The following DAB1 variants were observed in gnomAD, a reference collection of about 807,000 sequenced individuals.
The protein encoded by DAB1 is disabled homolog 1.
A neutral mutation model predicts 64.6 loss-of-function variants in DAB1; 15 were observed. That is an observed-to-expected ratio of 0.23 (90% confidence interval 0.16 to 0.36). The LOEUF is 0.36. Among genes scored for constraint, DAB1 ranks in the 10% least tolerant of loss-of-function variants. The pLI is 1.00. For synonymous variants in DAB1, 235 were observed against 251.9 expected, an observed-to-expected ratio of 0.93 and a Z score of 0.64; for missense variants, 596 against 706.7, an observed-to-expected ratio of 0.84 and a Z score of 1.78.
intron 2 of DAB1, among the ~76,000 whole-genome samples, chr1:57,170,229 C>A (rs979269894): frequency 3.3e-5 from 5 of 152,082 alleles, no homozygotes; most frequent in African/African-American, 7.2e-5. Flanking sequence ...GAACTCTTGA[C>A]CCCAAGTGAT....
At chr1:58,248,270 G>A (rs1410979154) in intron 4 of DAB1, among the ~76,000 whole-genome samples, 1 of 152,054 alleles carries the variant, frequency 6.6e-6, no homozygotes, top group Non-Finnish European at 1.5e-5. Context: ...CACTGGGAGC[G>A]AGGTGGCACT....
At chr1:57,930,452 C>A (rs910122596) in intron 5 of DAB1, among the ~76,000 whole-genome samples, 5 of 152,182 alleles carry the variant, frequency 3.3e-5, no homozygotes, top group African/African-American at 1.2e-4. Context: ...TGCACTGAAT[C>A]TGTAGATCAT....
At chr1:57,327,081 G>T (rs747564600) in intron 1 of DAB1, among the ~76,000 whole-genome samples, 8 of 152,100 alleles carry the variant, frequency 5.3e-5, no homozygotes, top group Admixed American at 6.5e-5. Flanking sequence ...TGGGACTACA[G>T]GCGTGTGACC....
At chr1:57,621,390 C>T (rs527787169) in intron 7 of DAB1, among the ~76,000 whole-genome samples, 1 of 150,998 alleles carries the variant, frequency 6.6e-6, no homozygotes, top group Admixed American at 6.6e-5. Context: ...TGGGATAGTG[C>T]GTGGGGGTGG....
chr1:58,154,588 C>T (rs986208639), intron 4 of DAB1, among the ~76,000 whole-genome samples: 4 of 152,158 alleles, frequency 2.6e-5, no homozygotes, highest in African/African-American at 4.8e-5. Context: ...CAGGGCTCTG[C>T]CACAGGTAAG....
intron 9 of DAB1, among the ~76,000 whole-genome samples, chr1:57,031,808 G>A (rs1274964533): frequency 6.6e-6 from 1 of 152,222 alleles, no homozygotes; most frequent in African/African-American, 2.4e-5. Flanking sequence ...CTATTTGCCA[G>A]AGAGTAAGGC....
chr1:58,280,856 C>A (rs190478493), intron 4 of DAB1, among the ~76,000 whole-genome samples: 1 of 152,186 alleles, frequency 6.6e-6, no homozygotes, highest in African/African-American at 2.4e-5. Context: ...GAAGCAAGAC[C>A]AAGAAAGATA....
At chr1:58,383,224 G>T (rs566074074) in intron 3 of DAB1, among the ~76,000 whole-genome samples, 1 of 151,666 alleles carries the variant, frequency 6.6e-6, no homozygotes, top group East Asian at 1.9e-4. Context: ...AGTACAGATA[G>T]GTTAAATTAT....
chr1:57,838,284 A>G lies in DAB1; in HGVS notation n.88-11829T>C, dbSNP rs959131552. Among the ~76,000 whole-genome samples the G allele has an allele frequency of 5.3e-5, 8 of 152,374 alleles. 1 individual carries two copies. In the South Asian group the frequency reaches 1.4e-3, roughly 28 times the overall value. On this transcript the variant is annotated intron_variant and non_coding_transcript_variant, in intron 1 of 1. Coordinates refer to the DAB1 transcript ENST00000477280. ...GTTAGGCTATTGAGAAGTCATAAAT[A>G]TAATCCCAATATTTTGTTACATTTA...
At chr1:57,948,227 G>A (rs1025518425) in intron 5 of DAB1, among the ~76,000 whole-genome samples, 3 of 152,174 alleles carry the variant, frequency 2.0e-5, no homozygotes, top group African/African-American at 7.2e-5. Context: ...AAGACACATC[G>A]TGTAACTGAA....
intron 4 of DAB1, among the ~76,000 whole-genome samples, chr1:57,082,128 T>C (rs1652610177): frequency 6.6e-6 from 1 of 152,192 alleles, no homozygotes; most frequent in African/African-American, 2.4e-5. Context: ...AGTGAGAGAA[T>C]CAGAGAAGGC....
rs139285529 is a variant in DAB1 at position 57,924,943 on chromosome 1, T to A, written n.388-40781A>T. Among the ~76,000 whole-genome samples, 116 of 152,330 alleles carry A rather than the reference T, an allele frequency of 7.6e-4. 2 individuals are homozygous for A. The East Asian group carries it at 0.015, about 19-fold the overall frequency. On this transcript the variant is annotated intron_variant and non_coding_transcript_variant, in intron 5 of 20. Coordinates refer to the DAB1 transcript ENST00000485760. Reference sequence around the variant, plus strand: ...TATCACCATAAATTGTATTAGTTATTAATAGTATTTGTATTGGATTTACTT... The same window carrying A: ...TATCACCATAAATTGTATTAGTTATAAATAGTATTTGTATTGGATTTACTT...
intron 2 of DAB1, among the ~76,000 whole-genome samples, chr1:57,154,434 C>G (rs1660017166): frequency 6.6e-6 from 1 of 152,200 alleles, no homozygotes; most frequent in Non-Finnish European, 1.5e-5. Context: ...TTTATCCATT[C>G]ATCTGTTGAT....
At chr1:57,157,203 A>T (rs1318858668) in intron 2 of DAB1, among the ~76,000 whole-genome samples, 1 of 152,118 alleles carries the variant, frequency 6.6e-6, no homozygotes, top group Non-Finnish European at 1.5e-5. Flanking sequence ...AGCCAAGATA[A>T]GTATTTTTTT....
intron 7 of DAB1, among the ~76,000 whole-genome samples, chr1:57,518,623 C>G (rs558496873): frequency 1.2e-4 from 19 of 152,248 alleles, no homozygotes; most frequent in African/African-American, 4.6e-4. Flanking sequence ...GCTTCTGCCC[C>G]ACATCTGGGA....
At chr1:58,239,939 C>T (rs1241112464) in intron 4 of DAB1, among the ~76,000 whole-genome samples, 1 of 152,168 alleles carries the variant, frequency 6.6e-6, no homozygotes, top group Non-Finnish European at 1.5e-5. Flanking sequence ...CCCTGCATTT[C>T]CCCATCATTA....
chr1:57,206,951 CTTTCTT>C (rs149203451), intron 2 of DAB1, among the ~76,000 whole-genome samples: 11,170 of 126,414 alleles, frequency 0.088, 522 homozygotes, highest in South Asian at 0.15. Context: ...TTCTCTTTCT[CTTTCTT>C]TCCTTCCTTC....
chr1:57,988,145 G>A (rs185024707), intron 5 of DAB1, among the ~76,000 whole-genome samples: 34 of 152,144 alleles, frequency 2.2e-4, no homozygotes, highest in Admixed American at 2.0e-3. Flanking sequence ...ACATACATGC[G>A]GCCATTGGTT....
chr1:57,548,816 C>T (rs1228376466), intron 7 of DAB1, among the ~76,000 whole-genome samples: 1 of 152,122 alleles, frequency 6.6e-6, no homozygotes, highest in Non-Finnish European at 1.5e-5. Context: ...TTTCTCTTCA[C>T]AGCCACAGTA....
Sources: gnomAD v4.1 joint callset for allele counts (sites outside exome capture counted in the v4.1 genomes callset) on GRCh38, gnomAD v4.1.1 for gene constraint, MANE v1.5 for transcripts, NCBI Gene and HGNC (gene_info 2026-07-23, HGNC 2026-07-21) for gene names.